Variants in OCA2 observed in about 807,000 individuals in gnomAD.
OCA2 encodes OCA2 melanosomal transmembrane protein, also known as P protein.
In OCA2, 77 loss-of-function variants were observed where a neutral mutation model predicts 100.2. The observed-to-expected ratio is 0.77, with a 90% CI of 0.64 to 0.93. OCA2 has a LOEUF of 0.93. Among genes scored for constraint, OCA2 ranks in the 40% least tolerant of loss-of-function variants. The probability of loss-of-function intolerance (pLI) is 0.00; values close to 1 mark genes in which losing one functional copy is unlikely to be tolerated. For synonymous variants in OCA2, 432 were observed against 439.2 expected (o/e 0.98, Z 0.21); for missense variants, 1,062 against 1,089.1 (o/e 0.98, Z 0.35).
chr15:28,068,175 T>C (rs1013060003), intron 2 of OCA2, among the ~76,000 whole-genome samples: 1 of 152,218 alleles, frequency 6.6e-6, no homozygotes, highest in Non-Finnish European at 1.5e-5. Flanking sequence ...TCCATTTGCA[T>C]GGTAGATTTT....
intron 18 of OCA2, among the ~76,000 whole-genome samples, chr15:27,934,192 G>A (rs1444209264): frequency 7.1e-6 from 1 of 141,776 alleles, no homozygotes; most frequent in Non-Finnish European, 1.6e-5. Context: ...GGGTTGGGAA[G>A]GACATTGTCA....
In OCA2 at chr15:28,032,137, G is replaced by A. The variant is rs2042923919; in HGVS notation, c.254C>T (p.Ser85Phe). The change falls in exon 3 of 24, where the codon TCC becomes TTC. Residue 85 changes from serine to phenylalanine, a missense_variant. Physicochemically the swap from Ser to Phe is radical, Grantham distance 155. Transcript: ENST00000354638. ...GRSHSSLPQM[S>F]SSRSKDSCFT... Reference sequence around the variant, plus strand: ...GCAGGAATCTTTAGACCTGGAGCTGGACATCTGGGGCAAAGAAGAGTGAGA... The same window carrying A: ...GCAGGAATCTTTAGACCTGGAGCTGAACATCTGGGGCAAAGAAGAGTGAGA... 6.2e-7 allele frequency: 1 copy of A among 1,613,916 alleles called. No homozygotes were observed. Among genetic ancestry groups the A allele is most frequent in the Non-Finnish European group, 8.5e-7 (1 of 1,179,816 alleles).
chr15:27,871,976 G>T, intron 19 of OCA2, 54 bp from the exon 20 acceptor site: 1 of 1,306,192 alleles, frequency 7.7e-7, no homozygotes, highest in Non-Finnish European at 1.1e-6. Context: ...ATATATGCAA[G>T]ATTTAAAAAA....
At chr15:27,853,319 A>C (rs1483773289) in intron 21 of OCA2, among the ~76,000 whole-genome samples, 2 of 143,408 alleles carry the variant, frequency 1.4e-5, no homozygotes, top group Non-Finnish European at 3.0e-5. Flanking sequence ...AAATTATCGC[A>C]AGAACAAAAA....
In OCA2 at chr15:27,932,119, G is replaced by A. The variant is rs2039274573; in HGVS notation, c.1952-5865C>T. On this transcript the variant is annotated intron_variant, in intron 18 of 23. Coordinates refer to ENST00000354638, the MANE Select transcript of OCA2 (RefSeq NM_000275.3). The stretch of plus-strand genomic sequence containing the variant: ...ATAGGTAGATGTGAACCACTGGAGA[G>A]CACCCAGAAAAAAATAACAATATAT... Among the ~76,000 whole-genome samples the A allele has an allele frequency of 3.3e-5, 5 of 152,216 alleles. No homozygotes were observed. The South Asian group carries it at 1.0e-3, about 32-fold the overall frequency.
At chr15:27,895,281 G>C (rs2037640045) in intron 19 of OCA2, among the ~76,000 whole-genome samples, 2 of 152,166 alleles carry the variant, frequency 1.3e-5, no homozygotes, top group African/African-American at 2.4e-5. Context: ...GACTAATACA[G>C]TAAATTGGTA....
intron 23 of OCA2, among the ~76,000 whole-genome samples, chr15:27,831,318 C>T (rs530755395): frequency 9.7e-4 from 127 of 130,810 alleles, no homozygotes; most frequent in African/African-American, 3.2e-3. Context: ...CGGTCTGAGT[C>T]CAGTGAGTCC....
intron 21 of OCA2, among the ~76,000 whole-genome samples, chr15:27,869,046 C>T (rs905694464): frequency 1.3e-5 from 2 of 152,206 alleles, no homozygotes; most frequent in Non-Finnish European, 2.9e-5. Flanking sequence ...CGCTGCATGC[C>T]GCTTCCAGCC....
At chr15:27,832,508 A>G (rs2035001639) in intron 23 of OCA2, among the ~76,000 whole-genome samples, 1 of 152,062 alleles carries the variant, frequency 6.6e-6, no homozygotes, top group Non-Finnish European at 1.5e-5. Flanking sequence ...GCCATCAGGG[A>G]TGCTGGCTGT....
intron 19 of OCA2, among the ~76,000 whole-genome samples, chr15:27,889,478 G>A (rs1354907538): frequency 6.6e-6 from 1 of 152,154 alleles, no homozygotes; most frequent in South Asian, 2.1e-4. Context: ...ATGTCTAAGG[G>A]TATGTCAGAG....
chr15:28,002,693 G>T (rs186277939), intron 9 of OCA2, among the ~76,000 whole-genome samples: 448 of 152,258 alleles, frequency 2.9e-3, no homozygotes, highest in African/African-American at 0.01. Flanking sequence ...CCACGCGGGA[G>T]CCTCACAGGG....
chr15:27,965,028 A>T (rs946746817), intron 15 of OCA2, among the ~76,000 whole-genome samples: 5 of 152,208 alleles, frequency 3.3e-5, no homozygotes, highest in Admixed American at 1.3e-4. Context: ...TCTTCAGGAC[A>T]GCTTACTAAC....
the OCA2 span, among the ~76,000 whole-genome samples, chr15:27,731,701 C>T: frequency 6.6e-6 from 1 of 152,178 alleles, no homozygotes. Context: ...GCTGAATGGG[C>T]TTCAGTCAGT....
chr15:27,795,038 G>A (rs1436789391), intron 23 of OCA2, among the ~76,000 whole-genome samples: 3 of 152,162 alleles, frequency 2.0e-5, no homozygotes, highest in African/African-American at 7.2e-5. Context: ...ACAGGGGGCT[G>A]ATTTCCAATT....
intron 14 of OCA2, among the ~76,000 whole-genome samples, chr15:27,981,035 T>C (rs1226668592): frequency 6.6e-6 from 1 of 152,260 alleles, no homozygotes; most frequent in Non-Finnish European, 1.5e-5. Context: ...AGCTCACTAA[T>C]GCTTTTCAGT....
At chr15:28,074,605 C>T (rs571755625) in intron 2 of OCA2, among the ~76,000 whole-genome samples, 206 of 146,782 alleles carry the variant, frequency 1.4e-3, no homozygotes, top group Non-Finnish European at 1.7e-3. Flanking sequence ...ACCCGGGAAG[C>T]GGAGCTTGCA....
chr15:27,952,212 C>G (rs1024092179), intron 17 of OCA2, among the ~76,000 whole-genome samples: 1 of 152,252 alleles, frequency 6.6e-6, no homozygotes, highest in Non-Finnish European at 1.5e-5. Flanking sequence ...GTTCCTTTCT[C>G]TACCACGCCA....
intron 14 of OCA2, among the ~76,000 whole-genome samples, chr15:27,974,504 T>C (rs951456033): frequency 2.0e-5 from 3 of 152,202 alleles, no homozygotes; most frequent in Non-Finnish European, 2.9e-5. Flanking sequence ...TGGCGGCTCA[T>C]GCCTATAATC....
intron 2 of OCA2, among the ~76,000 whole-genome samples, chr15:28,067,319 G>T (rs532827695): frequency 4.6e-5 from 7 of 151,972 alleles, no homozygotes; most frequent in African/African-American, 1.7e-4. Context: ...GGACAAACTT[G>T]GTTTCATTGA....
Sources: allele counts gnomAD v4.1 joint callset (sites outside exome capture counted in the v4.1 genomes callset), GRCh38; gene constraint gnomAD v4.1.1; transcripts MANE v1.5; gene names NCBI Gene and HGNC (gene_info 2026-07-23, HGNC 2026-07-21).